The following KHDRBS2 variants were observed in gnomAD, a reference collection of about 807,000 sequenced individuals.
KHDRBS2 encodes the protein KH domain-containing, RNA-binding, signal transduction-associated protein 2.
A neutral mutation model predicts 44.3 loss-of-function variants in KHDRBS2; 26 were observed. That is an observed-to-expected ratio of 0.59 (90% CI 0.43 to 0.81). KHDRBS2 has a LOEUF of 0.81. KHDRBS2 is among the 40% of genes least tolerant of loss of function. The probability of loss-of-function intolerance (pLI) is 0.00; values close to 1 mark genes in which losing one functional copy is unlikely to be tolerated. For synonymous variants in KHDRBS2, 194 were observed against 151.1 expected (o/e 1.28, Z -2.08); for missense variants, 476 against 433.1 (o/e 1.10, Z -0.88).
intron 2 of KHDRBS2, among the ~76,000 whole-genome samples, chr6:62,130,449 G>C (rs1562930347): frequency 1.3e-5 from 2 of 152,068 alleles, no homozygotes; most frequent in Non-Finnish European, 2.9e-5. Context: ...ATCTGTAAAA[G>C]GAGAATAAAA....
chr6:61,720,462 T>C (rs1300904629), intron 7 of KHDRBS2, among the ~76,000 whole-genome samples: 1 of 152,156 alleles, frequency 6.6e-6, no homozygotes, highest in African/African-American at 2.4e-5. Context: ...TTTTTAATGA[T>C]TGCCATTCTA....
chr6:62,055,053 G>C (rs1338526279), intron 2 of KHDRBS2, among the ~76,000 whole-genome samples: 1 of 151,818 alleles, frequency 6.6e-6, no homozygotes, highest in Non-Finnish European at 1.5e-5. Flanking sequence ...ACTTCTAGAA[G>C]AAAATTTTCT....
chr6:62,082,467 C>A (rs1357446365), intron 2 of KHDRBS2, among the ~76,000 whole-genome samples: 4 of 152,066 alleles, frequency 2.6e-5, no homozygotes, highest in Non-Finnish European at 4.4e-5. Flanking sequence ...AATCTTAAGG[C>A]TGTCCAGTGG....
chr6:62,064,444 T>G (rs1016511485), intron 2 of KHDRBS2, among the ~76,000 whole-genome samples: 1 of 148,040 alleles, frequency 6.8e-6, no homozygotes, highest in African/African-American at 2.5e-5. Context: ...TATAGATCAA[T>G]GGAACACAAC....
intron 6 of KHDRBS2, among the ~76,000 whole-genome samples, chr6:61,809,819 G>A (rs1181725988): frequency 6.6e-6 from 1 of 152,134 alleles, no homozygotes; most frequent in Non-Finnish European, 1.5e-5. Flanking sequence ...CAAGGATTTA[G>A]CTGTATAAAT....
At chr6:62,266,682 A>G (rs748255227) in intron 1 of KHDRBS2, among the ~76,000 whole-genome samples, 12 of 151,954 alleles carry the variant, frequency 7.9e-5, no homozygotes, top group Non-Finnish European at 1.5e-4. Context: ...CTCTTACTAA[A>G]TAAGTTTGGG....
At chr6:61,624,855 C>T in the KHDRBS2 span, among the ~76,000 whole-genome samples, 1 of 152,118 alleles carries the variant, frequency 6.6e-6, no homozygotes, top group African/African-American at 2.4e-5. Flanking sequence ...GCCATTAGTT[C>T]TAATGACCCA....
chr6:62,087,344 GT>G (rs1382017864), intron 2 of KHDRBS2, among the ~76,000 whole-genome samples: 1 of 151,890 alleles, frequency 6.6e-6, no homozygotes, highest in East Asian at 1.9e-4. Flanking sequence ...GAAGAATAAT[GT>G]TTTAGGATCT....
In KHDRBS2 at chr6:61,708,197, C is replaced by T. The variant is rs1418987053; in HGVS notation, c.894-10944G>A. On this transcript the variant is annotated intron_variant, in intron 7 of 8. Coordinates refer to ENST00000281156, the MANE Select transcript of KHDRBS2 (RefSeq NM_152688.4). The stretch of plus-strand genomic sequence containing the variant: ...TGAGAATTCAGTTTCCTTACATTCA[C>T]ATTGTTATGAAAATAAACCACATCA... Among the ~76,000 whole-genome samples, 19 of 151,576 alleles carry T rather than the reference C, an allele frequency of 1.3e-4. No individual in the cohort carries two copies. The East Asian group carries it at 3.5e-3, about 28-fold the overall frequency.
At chr6:61,975,299 C>T (rs1344826647) in intron 4 of KHDRBS2, among the ~76,000 whole-genome samples, 2 of 152,070 alleles carry the variant, frequency 1.3e-5, no homozygotes, top group African/African-American at 4.8e-5. Context: ...AGAGTCTTGC[C>T]CTATATAAGC....
chr6:61,642,160 T>A, the KHDRBS2 span, among the ~76,000 whole-genome samples: 2 of 152,028 alleles, frequency 1.3e-5, no homozygotes, highest in African/African-American at 4.8e-5. Flanking sequence ...AACAGAAAAA[T>A]TTCTGTTTTC....
At chr6:62,258,879 C>A (rs1480292478) in intron 1 of KHDRBS2, among the ~76,000 whole-genome samples, 1 of 151,986 alleles carries the variant, frequency 6.6e-6, no homozygotes, top group Non-Finnish European at 1.5e-5. Flanking sequence ...TCAGGGTGAC[C>A]TCTCAGGCAT....
At chr6:62,085,484 A>G (rs1284707565) in intron 2 of KHDRBS2, among the ~76,000 whole-genome samples, 1 of 152,172 alleles carries the variant, frequency 6.6e-6, no homozygotes, top group Non-Finnish European at 1.5e-5. Flanking sequence ...AAAAAAAGGA[A>G]AAGGCAACAG....
chr6:62,218,311 A>G (rs1830356890), intron 1 of KHDRBS2, among the ~76,000 whole-genome samples: 1 of 151,920 alleles, frequency 6.6e-6, no homozygotes, highest in Non-Finnish European at 1.5e-5. Context: ...CTAAAAGAGC[A>G]AAAGAATATC....
chr6:61,648,764 T>C, the KHDRBS2 span, among the ~76,000 whole-genome samples: 475 of 152,264 alleles, frequency 3.1e-3, no homozygotes, highest in Middle Eastern at 6.8e-3. Context: ...AAATAGAAAT[T>C]GATCAAGTGG....
intron 3 of KHDRBS2, among the ~76,000 whole-genome samples, chr6:61,984,771 G>C (rs900278275): frequency 1.3e-5 from 2 of 152,142 alleles, no homozygotes; most frequent in Non-Finnish European, 2.9e-5. Context: ...TTAATCTATT[G>C]TCTGTTAACT....
chr6:62,131,571 T>C (rs987701183), intron 2 of KHDRBS2, among the ~76,000 whole-genome samples: 2 of 152,126 alleles, frequency 1.3e-5, no homozygotes, highest in African/African-American at 4.8e-5. Context: ...GTGACACTGA[T>C]GAAACATAGA....
intron 1 of KHDRBS2, among the ~76,000 whole-genome samples, chr6:62,205,867 G>A (rs1827871234): frequency 1.3e-5 from 2 of 152,090 alleles, no homozygotes; most frequent in Non-Finnish European, 2.9e-5. Flanking sequence ...GGAAATGAAA[G>A]CGAAAGAGCA....
chr6:61,973,216 TTTA>T (rs570454401), intron 4 of KHDRBS2, among the ~76,000 whole-genome samples: 34 of 152,338 alleles, frequency 2.2e-4, no homozygotes, highest in Admixed American at 2.0e-3. Context: ...CATTTTTATA[TTTA>T]TCATCTTCTA....
Sources: gnomAD v4.1 joint callset for allele counts (sites outside exome capture counted in the v4.1 genomes callset) on GRCh38, gnomAD v4.1.1 for gene constraint, MANE v1.5 for transcripts, NCBI Gene and HGNC (gene_info 2026-07-23, HGNC 2026-07-21) for gene names.